Variants in ALK observed in about 807,000 individuals in gnomAD.
The protein encoded by ALK is ALK receptor tyrosine kinase.
A neutral mutation model predicts 163.1 loss-of-function variants in ALK; 74 were observed. That is an observed-to-expected ratio of 0.45 (90% CI 0.38 to 0.55). ALK has a LOEUF of 0.55. Among genes scored for constraint, ALK ranks in the 20% least tolerant of loss-of-function variants. The pLI, the probability that ALK is intolerant of heterozygous loss-of-function variation, is 0.00. For missense variants in ALK, 2,063 were observed against 2,105.3 expected, an observed-to-expected ratio of 0.98 and a Z score of 0.39; for synonymous variants, 960 against 843.2, an observed-to-expected ratio of 1.14 and a Z score of -2.40.
intron 9 of ALK, among the ~76,000 whole-genome samples, chr2:29,289,877 G>A (rs1665973564): frequency 6.6e-6 from 1 of 152,154 alleles, no homozygotes; most frequent in African/African-American, 2.4e-5. Flanking sequence ...GGGAAGCAAG[G>A]AGCCCCAACA....
At chr2:29,326,444 G>A (rs899638706) in intron 6 of ALK, among the ~76,000 whole-genome samples, 6 of 152,168 alleles carry the variant, frequency 3.9e-5, no homozygotes, top group African/African-American at 1.4e-4. Context: ...ACTTGAAAAA[G>A]GCAATCGCGA....
At chr2:29,543,500 A>G (rs1010350615) in intron 3 of ALK, among the ~76,000 whole-genome samples, 1 of 152,232 alleles carries the variant, frequency 6.6e-6, no homozygotes, top group Non-Finnish European at 1.5e-5. Flanking sequence ...ACTAGCAGCC[A>G]TAAGTCTATC....
chr2:29,810,532 A>G (rs994982749), intron 1 of ALK, among the ~76,000 whole-genome samples: 2 of 152,122 alleles, frequency 1.3e-5, no homozygotes, highest in South Asian at 4.2e-4. Flanking sequence ...ATCTTGAATA[A>G]CTTGTATTGG....
chr2:29,429,894 G>T (rs1260118654), intron 4 of ALK, among the ~76,000 whole-genome samples: 110 of 152,206 alleles, frequency 7.2e-4, no homozygotes, highest in South Asian at 2.1e-4. Flanking sequence ...CCATGAAATA[G>T]AATTGAAATA....
chr2:29,820,384 A>G (rs886318586), intron 1 of ALK, among the ~76,000 whole-genome samples: 1 of 152,166 alleles, frequency 6.6e-6, no homozygotes, highest in Non-Finnish European at 1.5e-5. Context: ...CTGCAACCTC[A>G]GAAAAGACCC....
At chr2:29,342,007 A>G (rs1379237055) in intron 5 of ALK, among the ~76,000 whole-genome samples, 1 of 152,224 alleles carries the variant, frequency 6.6e-6, no homozygotes, top group Non-Finnish European at 1.5e-5. Context: ...ATAAATAACA[A>G]CAACGAAAAT....
At chr2:29,895,119 C>T (rs917591736) in intron 1 of ALK, among the ~76,000 whole-genome samples, 1 of 152,146 alleles carries the variant, frequency 6.6e-6, no homozygotes, top group East Asian at 1.9e-4. Context: ...CTTAATGTAG[C>T]TTTTATGCCT....
chr2:29,530,398 TG>T, intron 4 of ALK, among the ~76,000 whole-genome samples: 1 of 152,242 alleles, frequency 6.6e-6, no homozygotes, highest in East Asian at 1.9e-4. Flanking sequence ...CTCACACTCA[TG>T]GGTATTCTCA....
intron 24 of ALK, among the ~76,000 whole-genome samples, chr2:29,212,097 C>T (rs1003953843): frequency 2.0e-5 from 3 of 152,090 alleles, no homozygotes; most frequent in South Asian, 2.1e-4. Flanking sequence ...TGGTGACCAA[C>T]GTGGGCAGAG....
At chr2:29,548,379 A>C (rs1333512191) in intron 3 of ALK, among the ~76,000 whole-genome samples, 3 of 152,010 alleles carry the variant, frequency 2.0e-5, no homozygotes, top group Non-Finnish European at 4.4e-5. Flanking sequence ...AGGTTGAGGC[A>C]GGAGAATCGC....
chr2:29,398,513 G>A (rs1432432232), intron 4 of ALK, among the ~76,000 whole-genome samples: 17 of 152,126 alleles, frequency 1.1e-4, no homozygotes, highest in Admixed American at 1.1e-3. Flanking sequence ...TGGCAATGCA[G>A]TTTTCTTAAA....
In ALK at chr2:29,761,584, T is replaced by C. The variant is rs147186210; in HGVS notation, c.668-43887A>G. On this transcript the variant is annotated intron_variant, in intron 1 of 28. Coordinates refer to ENST00000389048, the MANE Select transcript of ALK (RefSeq NM_004304.5). ...AGCAAAGCAAAATAGATTGGAAATG[T>C]TCAGTGGAATTTAAGCAAAGAATGC... 6.4e-3 allele frequency among the ~76,000 whole-genome samples: 982 copies of C among 152,264 alleles called. 12 individuals are homozygous for C. Among genetic ancestry groups the C allele is most frequent in the African/African-American group, 0.022 (926 of 41,534 alleles).
chr2:29,817,823 C>T (rs1307300998), intron 1 of ALK, among the ~76,000 whole-genome samples: 2 of 152,156 alleles, frequency 1.3e-5, no homozygotes, highest in African/African-American at 2.4e-5. Flanking sequence ...AAGGAATTCT[C>T]GGAACTTAGA....
intron 5 of ALK, 79 bp from the exon 6 acceptor site, chr2:29,328,560 G>C (rs1215024543): frequency 1.3e-6 from 2 of 1,583,898 alleles, no homozygotes; most frequent in Admixed American, 3.3e-5. Flanking sequence ...TTGGTCCCAT[G>C]GGCAGGCTGC....
At chr2:29,421,971 C>T (rs1002111672) in intron 4 of ALK, among the ~76,000 whole-genome samples, 1 of 151,562 alleles carries the variant, frequency 6.6e-6, no homozygotes, top group Middle Eastern at 3.2e-3. Context: ...TTTTCTTAAC[C>T]TCCAAGAGTG....
chr2:29,406,950 A>G (rs1444045774), intron 4 of ALK, among the ~76,000 whole-genome samples: 1 of 151,034 alleles, frequency 6.6e-6, no homozygotes, highest in Non-Finnish European at 1.5e-5. Context: ...TCTGGCCTGT[A>G]TAATGATCCT....
At chr2:29,243,931 C>G (rs910341949) in intron 12 of ALK, among the ~76,000 whole-genome samples, 1 of 152,180 alleles carries the variant, frequency 6.6e-6, no homozygotes, top group African/African-American at 2.4e-5. Flanking sequence ...AAATCCATGT[C>G]CCCTGGTCAG....
chr2:29,587,945 C>T (rs201178354), intron 3 of ALK, among the ~76,000 whole-genome samples: 2 of 152,270 alleles, frequency 1.3e-5, no homozygotes, highest in East Asian at 3.9e-4. Context: ...TGCATCTAAC[C>T]CTCCTCTTGG....
In ALK at chr2:29,831,259, G is replaced by GGAAGAAGAAGAAAGAA. The variant is rs1665405947; in HGVS notation, c.667+88733_667+88734insTTCTTTCTTCTTCTTC. ...AGGAAGAAGAAGAGGAAGAGGAAGA[G>GGAAGAAGAAGAAAGAA]GAAGAAGAAGAAGAAGAAGAAGAAG... is the stretch of plus-strand genomic sequence containing the variant. On this transcript the variant is annotated intron_variant, in intron 1 of 28. Transcript: ENST00000389048. 2.8e-4 allele frequency among the ~76,000 whole-genome samples: 8 copies of GGAAGAAGAAGAAAGAA among 28,132 alleles called. 2 individuals are homozygous for GGAAGAAGAAGAAAGAA. The highest frequency in any genetic ancestry group is 8.8e-4 in the African/African-American group (8 of 9,112). The allele number at this position is 28,132 out of a possible 152,430, so 18.5% of individuals were successfully genotyped here.
Sources: gnomAD v4.1 joint callset for allele counts (sites outside exome capture counted in the v4.1 genomes callset) on GRCh38, gnomAD v4.1.1 for gene constraint, MANE v1.5 for transcripts, NCBI Gene and HGNC (gene_info 2026-07-23, HGNC 2026-07-21) for gene names.